ZDHHC20: variants seen among roughly 807,000 people sequenced by gnomAD.
ZDHHC20 encodes the protein zDHHC palmitoyltransferase 20.
A neutral mutation model predicts 57.8 loss-of-function variants in ZDHHC20; 43 were observed. That is an observed-to-expected ratio of 0.74 (90% CI 0.58 to 0.96). ZDHHC20 has a LOEUF of 0.96. Ranked by LOEUF, ZDHHC20 falls within the 40% of genes least tolerant of loss-of-function variation. The pLI is 0.00. For synonymous variants in ZDHHC20, 157 were observed against 153.0 expected (o/e 1.03, Z -0.19); for missense variants, 391 against 441.1 (o/e 0.89, Z 1.02).
Position 21,400,469 on chromosome 13 carries a change from A to G in ZDHHC20, c.498T>C (p.Ser166=). 6.4e-7 allele frequency: 1 copy of G among 1,569,744 alleles called. No homozygotes were observed. The highest frequency in any genetic ancestry group is 8.6e-7 in the Non-Finnish European group (1 of 1,158,434). The part of the protein sequence containing the change: ...CPWVNNCVGF[S]NYKFFLLFLL... ...AAAACAGCAGGAAGAATTTGTAATT[A>G]GAAAATCCCACACAGTTATTCACCC... The change falls in exon 7 of 13, where the codon TCT becomes TCC. Residue 166 remains serine, a synonymous_variant. Coordinates refer to ENST00000400590, the MANE Select transcript of ZDHHC20 (RefSeq NM_001330059.2).
chr13:21,418,013 G>C (rs1029220564), intron 3 of ZDHHC20, among the ~76,000 whole-genome samples: 8 of 152,074 alleles, frequency 5.3e-5, no homozygotes, highest in African/African-American at 1.9e-4. Flanking sequence ...CCTGTTCTTG[G>C]TTGTCTCTAG....
chr13:21,428,872 TAAAAC>T (rs141165926), intron 1 of ZDHHC20, among the ~76,000 whole-genome samples: 6,967 of 151,462 alleles, frequency 0.046, 364 homozygotes, highest in African/African-American at 0.13. Context: ...CAAAACAAAA[TAAAAC>T]AAAACAAAAG....
chr13:21,404,028 G>C (rs1394004017), intron 4 of ZDHHC20, among the ~76,000 whole-genome samples: 3 of 152,150 alleles, frequency 2.0e-5, no homozygotes, highest in Non-Finnish European at 4.4e-5. Flanking sequence ...ACCCTGAGGT[G>C]TGAGTATGCT....
At chr13:21,432,269 A>G (rs915573213) in intron 1 of ZDHHC20, among the ~76,000 whole-genome samples, 3 of 148,708 alleles carry the variant, frequency 2.0e-5, no homozygotes, top group African/African-American at 7.5e-5. Flanking sequence ...GGTTCAAGCC[A>G]TTTTCCTGCC....
chr13:21,428,619 G>A (rs1280924874), intron 1 of ZDHHC20, among the ~76,000 whole-genome samples: 1 of 151,728 alleles, frequency 6.6e-6, no homozygotes, highest in Non-Finnish European at 1.5e-5. Flanking sequence ...TCAGCACTTT[G>A]GGAGGCTGAG....
chr13:21,400,207 G>A (rs908636734), intron 7 of ZDHHC20, among the ~76,000 whole-genome samples, 166 bp downstream of exon 7: 1 of 151,740 alleles, frequency 6.6e-6, no homozygotes, highest in South Asian at 2.1e-4. Context: ...ATAAACATGT[G>A]TATATGAAAG....
At chr13:21,437,820 T>C (rs941985569) in intron 1 of ZDHHC20, among the ~76,000 whole-genome samples, 3 of 152,034 alleles carry the variant, frequency 2.0e-5, no homozygotes, top group African/African-American at 7.2e-5. Context: ...GCCTCCTAAG[T>C]AGGTAGGACT....
At position 21,380,684 on chromosome 13, in the gene ZDHHC20, C is replaced by T. The variant is rs188536221; in HGVS notation, c.1060+750G>A. Among the ~76,000 whole-genome samples, 1,022 of 151,090 alleles carry T rather than the reference C, an allele frequency of 6.8e-3. 6 individuals carry two copies. The highest frequency in any genetic ancestry group is 0.012 in the South Asian group (59 of 4,770). ...GCAACCACCTGTAGTCCCAGCTACT[C>T]GGGAGGCTGAGGCAGGGGAATCACT... On this transcript the variant is annotated intron_variant, in intron 11 of 12. Transcript: ENST00000400590.
intron 4 of ZDHHC20, among the ~76,000 whole-genome samples, chr13:21,410,857 CAGG>C (rs1448144425): frequency 6.6e-6 from 1 of 152,278 alleles, no homozygotes. Flanking sequence ...ACCCCCTTTC[CAGG>C]AGAAGGAACA....
intron 9 of ZDHHC20, among the ~76,000 whole-genome samples, chr13:21,385,143 T>C (rs1230126731): frequency 6.6e-6 from 1 of 152,090 alleles, no homozygotes; most frequent in Non-Finnish European, 1.5e-5. Context: ...AAATACAACA[T>C]CTGGGCCAGG....
intron 1 of ZDHHC20, among the ~76,000 whole-genome samples, chr13:21,427,736 G>A (rs1445671692): frequency 6.6e-6 from 1 of 150,682 alleles, no homozygotes; most frequent in Non-Finnish European, 1.5e-5. Flanking sequence ...TCGGGAGGCT[G>A]AGGCAGGAGA....
rs1312720790 is a variant in ZDHHC20, at chr13:21,375,187, G to A, written c.*1509C>T. 1 of 456,512 alleles carries A rather than the reference G, an allele frequency of 2.2e-6. No individual in the cohort carries two copies. The highest frequency in any genetic ancestry group is 4.4e-6 in the Non-Finnish European group (1 of 226,948). The allele number at this position is 456,512 out of a possible 1,614,324, so 28.3% of individuals were successfully genotyped here. On this transcript the variant is annotated 3_prime_UTR_variant, in exon 13 of 13. Coordinates refer to ENST00000400590, the MANE Select transcript of ZDHHC20 (RefSeq NM_001330059.2). ...ATGAAAAGTGATTTTGCAAAATTAG[G>A]CATCACAGAATGTTAGAAGTCATCC... is the stretch of plus-strand genomic sequence containing the variant.
chr13:21,415,702 T>C (rs755414506), intron 3 of ZDHHC20, among the ~76,000 whole-genome samples: 1 of 152,216 alleles, frequency 6.6e-6, no homozygotes, highest in East Asian at 1.9e-4. Context: ...CCTGACATGA[T>C]GTGTCTCTTA....
At chr13:21,412,944 G>C (rs551588190) in intron 4 of ZDHHC20, among the ~76,000 whole-genome samples, 1 of 137,872 alleles carries the variant, frequency 7.3e-6, no homozygotes, top group East Asian at 2.3e-4. Context: ...CTCAAGCCTG[G>C]GCCACAGAGC....
intron 3 of ZDHHC20, among the ~76,000 whole-genome samples, chr13:21,418,043 A>G (rs1880216855): frequency 6.6e-6 from 1 of 152,234 alleles, no homozygotes; most frequent in Non-Finnish European, 1.5e-5. Context: ...TAGCTGGCCC[A>G]TGAAGATTTA....
chr13:21,454,702 T>C (rs574773045), intron 1 of ZDHHC20, among the ~76,000 whole-genome samples: 111 of 152,288 alleles, frequency 7.3e-4, no homozygotes, highest in African/African-American at 2.5e-3. Context: ...ATAAAATACT[T>C]CAGAATCAAC....
At chr13:21,411,816 C>G (rs1879255766) in intron 4 of ZDHHC20, among the ~76,000 whole-genome samples, 1 of 152,144 alleles carries the variant, frequency 6.6e-6, no homozygotes, top group African/African-American at 2.4e-5. Flanking sequence ...AGAGTTTCTA[C>G]CACGTGACAA....
At chr13:21,419,525 A>G (rs1880403923) in intron 3 of ZDHHC20, among the ~76,000 whole-genome samples, 1 of 152,250 alleles carries the variant, frequency 6.6e-6, no homozygotes, top group African/African-American at 2.4e-5. Context: ...CTAAACAATA[A>G]TGAGAATGAA....
At chr13:21,402,491 C>A (rs1234245911) in intron 5 of ZDHHC20, among the ~76,000 whole-genome samples, 1 of 152,096 alleles carries the variant, frequency 6.6e-6, no homozygotes, top group African/African-American at 2.4e-5. Flanking sequence ...TCCAAACTAA[C>A]GATCTTTCCT....
Sources: allele counts gnomAD v4.1 joint callset (sites outside exome capture counted in the v4.1 genomes callset), GRCh38; gene constraint gnomAD v4.1.1; transcripts MANE v1.5; gene names NCBI Gene and HGNC (gene_info 2026-07-23, HGNC 2026-07-21).